The following CMTR1 variants were observed in gnomAD, a reference collection of about 807,000 sequenced individuals.
CMTR1 encodes the protein cap-specific mRNA (nucleoside-2'-O-)-methyltransferase 1.
Under a neutral mutation model 107.0 loss-of-function variants are expected in CMTR1, and 39 were observed. The ratio of observed to expected loss-of-function variants is 0.36; its 90% CI spans 0.28 to 0.48. The LOEUF is 0.48. Among genes scored for constraint, CMTR1 ranks in the 20% least tolerant of loss-of-function variants. The probability of loss-of-function intolerance (pLI) is 0.99; values close to 1 mark genes in which losing one functional copy is unlikely to be tolerated. For synonymous variants in CMTR1, 366 were observed against 379.5 expected (o/e 0.96, Z 0.41); for missense variants, 672 against 1,064.9 (o/e 0.63, Z 5.14).
chr6:37,458,774 T>C lies in CMTR1; in HGVS notation c.940T>C (p.Tyr314His). Reference protein sequence around the residue: ...GPNDFKLEDFYSASSELFEPY... With the variant: ...GPNDFKLEDFHSASSELFEPY... ...TAATGACTTCAAGCTGGAGGACTTC[T>C]ACTCTGCTTCCAGTGAACTCTTCGA... The change falls in exon 9 of 24, where the codon TAC becomes CAC. Residue 314 changes from tyrosine (Y) to histidine (H), a missense_variant. Physicochemically the swap from Tyr to His is moderately conservative, Grantham distance 83. Coordinates refer to ENST00000373451, the MANE Select transcript of CMTR1 (RefSeq NM_015050.3). The surrounding 1 kb of genome is among the most constrained non-coding windows in gnomAD (Gnocchi z 4.7). The C allele has an allele frequency of 6.2e-7, 1 of 1,614,216 alleles. No individual in the cohort carries two copies. The highest frequency in any genetic ancestry group is 8.5e-7 in the Non-Finnish European group (1 of 1,180,048).
chr6:37,446,581 A>C, intron 4 of CMTR1, 132 bp downstream of exon 4: 1 of 1,031,840 alleles, frequency 9.7e-7, no homozygotes, highest in East Asian at 2.4e-5. Flanking sequence ...TTTTACGTGG[A>C]AAGTACTGGG....
At chr6:37,456,134 C>T (rs901620753) in intron 8 of CMTR1, among the ~76,000 whole-genome samples, 4 of 152,212 alleles carry the variant, frequency 2.6e-5, no homozygotes, top group Non-Finnish European at 5.9e-5. Context: ...TCCTTTGGAC[C>T]AGTGGTTCAC....
At chr6:37,452,521 C>T (rs1043930507) in intron 6 of CMTR1, among the ~76,000 whole-genome samples, 3 of 152,094 alleles carry the variant, frequency 2.0e-5, no homozygotes, top group Non-Finnish European at 4.4e-5. Context: ...TTGGGAATAT[C>T]CATAAGGTGA....
chr6:37,442,183 T>C (rs1771690244), intron 2 of CMTR1, among the ~76,000 whole-genome samples: 1 of 152,260 alleles, frequency 6.6e-6, no homozygotes. Context: ...TTTTATAGAA[T>C]AGGTGCTGAA....
At chr6:37,440,416 A>G (rs1771646630) in intron 2 of CMTR1, among the ~76,000 whole-genome samples, 1 of 152,240 alleles carries the variant, frequency 6.6e-6, no homozygotes, top group South Asian at 2.1e-4. Flanking sequence ...TGGCTGTGGC[A>G]GTCTGTGGAC....
In CMTR1 at chr6:37,471,004, A is replaced by ATTTTT; in HGVS notation, c.1506-12_1506-8dup. ...TTTTTGGTAATCCTGAGATCAAATA[A>ATTTTT]TTTTTTTTTCTTCTAGCCACTGTAG... On this transcript the variant is annotated splice_polypyrimidine_tract_variant and intron_variant, in intron 13 of 23. Transcript: ENST00000373451. The ATTTTT allele has an allele frequency of 6.3e-7, 1 of 1,580,018 alleles. No individual in the cohort carries two copies. Among genetic ancestry groups the ATTTTT allele is most frequent in the Admixed American group, 1.8e-5 (1 of 54,240 alleles).
chr6:37,425,299 CTTT>C, the CMTR1 span, among the ~76,000 whole-genome samples: 2 of 139,700 alleles, frequency 1.4e-5, no homozygotes, highest in African/African-American at 5.4e-5. Context: ...TAAATTCTTT[CTTT>C]TTTTTTTTCC....
intron 13 of CMTR1, among the ~76,000 whole-genome samples, chr6:37,467,983 A>G (rs780407705): frequency 5.4e-5 from 8 of 147,310 alleles, no homozygotes; most frequent in Non-Finnish European, 1.0e-4. Context: ...TAAATCCCCT[A>G]TCTTGGTTGT....
At chr6:37,478,809 A>G (rs1437844160) in intron 22 of CMTR1, among the ~76,000 whole-genome samples, 1 of 152,208 alleles carries the variant, frequency 6.6e-6, no homozygotes, top group Non-Finnish European at 1.5e-5. Context: ...AGACAGCAGC[A>G]AATCCAGAAA....
At chr6:37,468,405 T>C (rs1227984713) in intron 13 of CMTR1, among the ~76,000 whole-genome samples, 1 of 152,238 alleles carries the variant, frequency 6.6e-6, no homozygotes, top group African/African-American at 2.4e-5. Flanking sequence ...TGCACATATA[T>C]ATCTAATTTT....
In CMTR1 at chr6:37,433,348, C is replaced by T. The variant is rs112841732; in HGVS notation, c.-36C>T. The T allele has an allele frequency of 0.019, 2,929 of 152,920 alleles. 97 individuals are homozygous for T. The highest frequency in any genetic ancestry group is 0.064 in the African/African-American group (2,667 of 41,594). 9.5% of individuals were successfully genotyped at this position (152,920 alleles called of 1,614,324 possible). On this transcript the variant is annotated 5_prime_UTR_variant, in exon 1 of 24. Transcript: ENST00000373451. Reference sequence around the variant, plus strand: ...CAGTGTCGGCCTGACCCCCCCTCCGCTCCCCGGCAGCTCGCTCTCTCCCCT... The same window carrying T: ...CAGTGTCGGCCTGACCCCCCCTCCGTTCCCCGGCAGCTCGCTCTCTCCCCT...
Position 37,479,918 on chromosome 6 carries a change from A to G in CMTR1, c.2376-95A>G, listed in dbSNP as rs184705823. On this transcript the variant is annotated intron_variant, in intron 23 of 23. Transcript: ENST00000373451. ...CGGGGGAAGAACCTCAACTAAAGTC[A>G]TTGACAGACCCCTCCGCCCCACACC... 1,314 of 1,244,048 alleles carry G rather than the reference A, an allele frequency of 1.1e-3. 9 individuals are homozygous for G. In the African/African-American group the frequency reaches 0.015, roughly 14 times the overall value. 77.1% of individuals were successfully genotyped at this position (1,244,048 alleles called of 1,614,324 possible). A position where few individuals can be genotyped will look rare whatever the true frequency, so the allele number is the denominator to read the frequency against.
the CMTR1 span, among the ~76,000 whole-genome samples, chr6:37,426,538 C>CTT: frequency 1.4e-5 from 2 of 146,048 alleles, no homozygotes; most frequent in African/African-American, 5.0e-5. Flanking sequence ...CTCCTCAGGT[C>CTT]TTTTTTTTTT....
intron 13 of CMTR1, among the ~76,000 whole-genome samples, chr6:37,466,137 G>A (rs1234494127): frequency 2.4e-5 from 3 of 124,090 alleles, no homozygotes; most frequent in Admixed American, 9.5e-5. Flanking sequence ...TTTTTGAAAC[G>A]GAGTCTTGCT....
rs748273379 is a variant in CMTR1 at position 37,472,442 on chromosome 6, T to A, written c.1644T>A (p.Ala548=). The A allele has an allele frequency of 1.9e-6, 3 of 1,614,114 alleles. No individual in the cohort carries two copies. The African/African-American group carries it at 4.0e-5, about 22-fold the overall frequency. The change falls in exon 16 of 24, where the codon GCT becomes GCA. Residue 548 remains alanine, a synonymous_variant. Transcript: ENST00000373451. This position sits in a 1 kb window ranked among gnomAD's most constrained non-coding sequence, Gnocchi z 4.1. ...LWGIPDQARV[A]PSSSDPKSKF... is the part of the protein sequence containing the mutation. ...AGATCCCAGACCAGGCTCGTGTGGC[T>A]CCTTCTTCCTCCGACCCTAAATCGA...
chr6:37,446,220 T>C, intron 3 of CMTR1, 71 bp from the exon 4 acceptor site: 1 of 1,494,596 alleles, frequency 6.7e-7, no homozygotes, highest in Non-Finnish European at 9.2e-7. Context: ...GCACACTGTT[T>C]GGCATGTGAT....
At chr6:37,453,400 G>A in intron 8 of CMTR1, 88 bp downstream of exon 8, 1 of 1,207,906 alleles carries the variant, frequency 8.3e-7, no homozygotes, top group Non-Finnish European at 1.2e-6. Flanking sequence ...TCAATGCTAG[G>A]AGAGTATTCT....
rs151209204 is a variant in CMTR1, at chr6:37,478,428, A to C, written c.2173A>C (p.Lys725Gln). The change falls in exon 22 of 24, where the codon AAG becomes CAG. Residue 725 changes from lysine to glutamine, a missense_variant. Around this residue, in one of 2 missense-constraint regions of CMTR1, gnomAD observed 583 missense variants for 968.4 expected, o/e 0.60. Transcript: ENST00000373451. The part of the protein sequence containing the change: ...IFVRLEMKII[K>Q]GSSGTPKLSY... ...AATCAGGTTGGAGATGAAGATCATC[A>C]AGGGCTCCAGTGGCACCCCAAAGCT... 3.1e-6 allele frequency: 5 copies of C among 1,613,874 alleles called. No homozygotes were observed. In the African/African-American group the frequency reaches 6.7e-5, roughly 22 times the overall value.
chr6:37,435,707 C>A lies in CMTR1; in HGVS notation c.78C>A (p.Ser26Arg). 1 of 1,603,420 alleles carries A rather than the reference C, an allele frequency of 6.2e-7. No homozygotes were observed. Among genetic ancestry groups the A allele is most frequent in the Non-Finnish European group, 8.5e-7 (1 of 1,175,974 alleles). Residue 26 changes from serine to arginine, a missense_variant, in exon 2 of 24, where the codon AGC (serine) becomes AGA (arginine). Coordinates refer to ENST00000373451, the MANE Select transcript of CMTR1 (RefSeq NM_015050.3). ...QKKRVAELAL[S>R]LSSTSDDEPP... ...AAAGAGTTGCAGAGCTTGCCCTGAGCCTCAGCTCCACGTCCGATGATGAAC... is the reference window on the plus strand; with the variant it reads ...AAAGAGTTGCAGAGCTTGCCCTGAGACTCAGCTCCACGTCCGATGATGAAC...
Sources: allele counts gnomAD v4.1 joint callset (sites outside exome capture counted in the v4.1 genomes callset), GRCh38; gene constraint gnomAD v4.1.1; regional missense constraint gnomAD v4.1.1; non-coding constraint Gnocchi (gnomAD v3.1); transcripts MANE v1.5; gene names NCBI Gene and HGNC (gene_info 2026-07-23, HGNC 2026-07-21).